ZZZ3: variants seen among roughly 807,000 people sequenced by gnomAD.
The protein encoded by ZZZ3 is ZZ-type zinc finger-containing protein 3.
A neutral mutation model predicts 95.2 loss-of-function variants in ZZZ3; 22 were observed. The ratio of observed to expected loss-of-function variants is 0.23; its 90% CI spans 0.17 to 0.33. ZZZ3 has a LOEUF of 0.33. ZZZ3 is among the 10% of genes least tolerant of loss of function. The pLI, the probability that ZZZ3 is intolerant of heterozygous loss-of-function variation, is 1.00. For synonymous variants in ZZZ3, 335 were observed against 358.9 expected (o/e 0.93, Z 0.75); for missense variants, 885 against 1,066.5 (o/e 0.83, Z 2.37).
intron 1 of ZZZ3, among the ~76,000 whole-genome samples, chr1:77,675,658 TTTC>T (rs1161736308): frequency 1.3e-5 from 2 of 152,198 alleles, no homozygotes; most frequent in East Asian, 3.8e-4. Context: ...AAATCTGGCT[TTTC>T]TTACTAGCAT....
chr1:77,674,674 G>A (rs986750360), intron 1 of ZZZ3, among the ~76,000 whole-genome samples: 4 of 152,170 alleles, frequency 2.6e-5, no homozygotes, highest in Middle Eastern at 3.4e-3. Flanking sequence ...CACATTGGCC[G>A]GGTGCAGTGG....
At chr1:77,616,823 C>T (rs1292525332) in intron 5 of ZZZ3, among the ~76,000 whole-genome samples, 1 of 151,916 alleles carries the variant, frequency 6.6e-6, no homozygotes, top group African/African-American at 2.4e-5. Flanking sequence ...GCCAAGATCG[C>T]GCCACTGCAC....
At chr1:77,673,535 C>G (rs192465743) in intron 1 of ZZZ3, among the ~76,000 whole-genome samples, 1 of 152,122 alleles carries the variant, frequency 6.6e-6, no homozygotes, top group Non-Finnish European at 1.5e-5. Context: ...AGCTGGAGGT[C>G]GCAGTGAGCT....
intron 5 of ZZZ3, among the ~76,000 whole-genome samples, chr1:77,619,488 T>A (rs1217996094): frequency 6.6e-6 from 1 of 152,134 alleles, no homozygotes; most frequent in East Asian, 1.9e-4. Context: ...TTCAATTCAG[T>A]AAAGACAACC....
At chr1:77,639,316 A>C in intron 4 of ZZZ3, 133 bp downstream of exon 4, 3 of 607,372 alleles carry the variant, frequency 4.9e-6, no homozygotes, top group Non-Finnish European at 7.9e-6. Context: ...TACTCCTATA[A>C]ACAGCCAGCC....
chr1:77,582,082 A>C lies in ZZZ3; in HGVS notation c.1689T>G (p.Pro563=), dbSNP rs1348574185. ...GGGTATATTGGTCCCATACGATCTC[A>C]GGCAATTGAACAACTCTCTGTGGAT... ...LPYPQRVVQL[P]EIVWDQYTHS... is the part of the protein sequence containing the mutation. Residue 563 remains proline (P), a synonymous_variant, in exon 7 of 15, where the codon CCT becomes CCG. Transcript: ENST00000370801. The C allele has an allele frequency of 3.1e-6, 5 of 1,613,360 alleles. No individual in the cohort carries two copies. The South Asian group carries it at 4.4e-5, about 14-fold the overall frequency.
intron 5 of ZZZ3, among the ~76,000 whole-genome samples, chr1:77,621,980 T>C (rs1429660473): frequency 6.6e-6 from 1 of 152,226 alleles, no homozygotes; most frequent in African/African-American, 2.4e-5. Flanking sequence ...ATCTTAATTA[T>C]GTTTTGAGAA....
chr1:77,617,706 A>C (rs1666445925), intron 5 of ZZZ3, among the ~76,000 whole-genome samples: 1 of 151,564 alleles, frequency 6.6e-6, no homozygotes, highest in Admixed American at 6.6e-5. Context: ...TGGGAGGCCC[A>C]GGTGGGTGAA....
At chr1:77,630,276 C>T (rs548256159) in intron 5 of ZZZ3, among the ~76,000 whole-genome samples, 48 of 151,914 alleles carry the variant, frequency 3.2e-4, no homozygotes, top group Non-Finnish European at 6.0e-4. Context: ...GAGATTAAGA[C>T]GAGCCTGGGC....
At chr1:77,644,014 G>A (rs1404904408) in intron 1 of ZZZ3, among the ~76,000 whole-genome samples, 2 of 151,444 alleles carry the variant, frequency 1.3e-5, no homozygotes, top group East Asian at 1.9e-4. Context: ...GACATTCAAC[G>A]TCAGTTGTAA....
intron 1 of ZZZ3, among the ~76,000 whole-genome samples, chr1:77,673,953 G>A (rs1240310157): frequency 1.3e-5 from 2 of 148,544 alleles, no homozygotes; most frequent in Non-Finnish European, 3.0e-5. Context: ...AGTCCAAAAA[G>A]CCATTAGCTG....
At chr1:77,575,997 T>C (rs1468436460) in intron 12 of ZZZ3, 71 bp downstream of exon 12, 2 of 1,221,170 alleles carry the variant, frequency 1.6e-6, no homozygotes, top group African/African-American at 1.5e-5. Flanking sequence ...CTCTGAAGAG[T>C]GGAAATAATT....
chr1:77,666,175 A>C (rs1671236538), intron 1 of ZZZ3, among the ~76,000 whole-genome samples: 2 of 152,258 alleles, frequency 1.3e-5, no homozygotes. Flanking sequence ...CAGTGGTAAT[A>C]GCTAATATTC....
At chr1:77,601,561 T>C (rs1348076714) in intron 5 of ZZZ3, among the ~76,000 whole-genome samples, 2 of 152,096 alleles carry the variant, frequency 1.3e-5, no homozygotes, top group Non-Finnish European at 2.9e-5. Flanking sequence ...AAGGTTGATT[T>C]TGAAAAATCA....
At position 77,568,470 on chromosome 1, in the gene ZZZ3, TCAAAA is replaced by T; in HGVS notation, c.2332-9_2332-5del. On this transcript the variant is annotated splice_region_variant and splice_polypyrimidine_tract_variant and intron_variant, in intron 12 of 14. Coordinates refer to ENST00000370801, the MANE Select transcript of ZZZ3 (RefSeq NM_015534.6). ...TGATAGGAATACTTTCGTCATCCTA[TCAAAA>T]AAAAAAAAAAAAAAAAATGTTGGTT... 15 of 425,654 alleles carry T rather than the reference TCAAAA, an allele frequency of 3.5e-5. No homozygotes were observed. Among genetic ancestry groups the T allele is most frequent in the South Asian group, 1.4e-4 (2 of 13,856 alleles). 26.4% of individuals were successfully genotyped at this position (425,654 alleles called of 1,614,324 possible). A position where few individuals can be genotyped will look rare whatever the true frequency, so the allele number is the denominator to read the frequency against.
At chr1:77,582,618 T>C (rs1421374769) in intron 6 of ZZZ3, among the ~76,000 whole-genome samples, 1 of 150,066 alleles carries the variant, frequency 6.7e-6, no homozygotes, top group East Asian at 1.9e-4. Context: ...AAATTAAACC[T>C]AGTAGGAAAA....
chr1:77,664,523 C>CTG (rs1279461370), intron 1 of ZZZ3, among the ~76,000 whole-genome samples: 1 of 152,126 alleles, frequency 6.6e-6, no homozygotes, highest in Non-Finnish European at 1.5e-5. Flanking sequence ...CATACAGTGC[C>CTG]TTAACATTAA....
intron 1 of ZZZ3, among the ~76,000 whole-genome samples, chr1:77,661,134 G>A (rs750931599): frequency 4.6e-5 from 7 of 151,746 alleles, no homozygotes; most frequent in Non-Finnish European, 1.0e-4. Flanking sequence ...ATGGTACAGA[G>A]GCCAGGCGCA....
chr1:77,619,846 AAC>A (rs1335040102), intron 5 of ZZZ3, among the ~76,000 whole-genome samples: 3 of 152,154 alleles, frequency 2.0e-5, no homozygotes, highest in African/African-American at 7.2e-5. Context: ...AAAAATCACT[AAC>A]ACTATATAAA....
Sources: gnomAD v4.1 joint callset for allele counts (sites outside exome capture counted in the v4.1 genomes callset) on GRCh38, gnomAD v4.1.1 for gene constraint, MANE v1.5 for transcripts, NCBI Gene and HGNC (gene_info 2026-07-23, HGNC 2026-07-21) for gene names.